Variants in WDR62 observed in about 807,000 individuals in gnomAD.
The protein encoded by WDR62 is WD repeat-containing protein 62.
Under a neutral mutation model 160.6 loss-of-function variants are expected in WDR62, and 112 were observed. The ratio of observed to expected loss-of-function variants is 0.70; its 90% confidence interval spans 0.60 to 0.82. The LOEUF is 0.82. Among genes scored for constraint, WDR62 ranks in the 40% least tolerant of loss-of-function variants. WDR62 has a pLI of 0.00. For missense variants in WDR62, 1,819 were observed against 1,983.8 expected (o/e 0.92, Z 1.58); for synonymous variants, 792 against 815.1 (o/e 0.97, Z 0.48).
At chr19:36,092,850 C>T (rs771398471) in intron 19 of WDR62, 39 bp downstream of exon 19, 1 of 1,613,098 alleles carries the variant, frequency 6.2e-7, no homozygotes, top group Non-Finnish European at 8.5e-7. Flanking sequence ...AGGGATGAGT[C>T]CCTGCCAGGG....
chr19:36,059,182 C>T lies in WDR62; in HGVS notation c.269+311C>T, dbSNP rs940179686. Reference sequence around the variant, plus strand: ...AACCTGGATTTGTGTCCCAGCTCTGCCATGTATGCTGCTCTCTGAGCCTCT... The same window carrying T: ...AACCTGGATTTGTGTCCCAGCTCTGTCATGTATGCTGCTCTCTGAGCCTCT... On this transcript the variant is annotated intron_variant, in intron 2 of 31. Transcript: ENST00000401500. 9.7e-6 allele frequency: 5 copies of T among 515,702 alleles called. No individual in the cohort carries two copies. The East Asian group carries it at 1.5e-4, about 15-fold the overall frequency. 31.9% of individuals were successfully genotyped at this position (515,702 alleles called of 1,614,324 possible).
chr19:36,065,268 G>A (rs1429260490), intron 3 of WDR62, among the ~76,000 whole-genome samples: 3 of 152,088 alleles, frequency 2.0e-5, no homozygotes, highest in Admixed American at 6.5e-5. Context: ...CTCACTTAGC[G>A]ACATTTACTT....
At chr19:36,091,786 G>A (rs370911089) in intron 18 of WDR62, among the ~76,000 whole-genome samples, 2 of 152,056 alleles carry the variant, frequency 1.3e-5, no homozygotes, top group African/African-American at 4.8e-5. Flanking sequence ...CTACTCAGGA[G>A]GGGGAAGATG....
chr19:36,092,567 T>G, intron 18 of WDR62, 122 bp from the exon 19 acceptor site: 1 of 1,420,712 alleles, frequency 7.0e-7, no homozygotes, highest in Non-Finnish European at 9.9e-7. Context: ...GGGGTGTGTT[T>G]TCCAGGAGCA....
intron 9 of WDR62, among the ~76,000 whole-genome samples, chr19:36,078,734 G>A (rs1349723018): frequency 6.6e-6 from 1 of 151,064 alleles, no homozygotes; most frequent in African/African-American, 2.4e-5. Flanking sequence ...TACTTGGGGG[G>A]CTGAGGCAGG....
chr19:36,088,433 C>T (rs1321484932), intron 13 of WDR62, among the ~76,000 whole-genome samples: 2 of 152,198 alleles, frequency 1.3e-5, no homozygotes, highest in African/African-American at 2.4e-5. Flanking sequence ...TTGTACGGAC[C>T]GGAAGTTGAG....
In WDR62 at chr19:36,091,347, C is replaced by T. The variant is rs564142501; in HGVS notation, c.2146+36C>T. ...CTCTCTGCTTGGGATGCCTCCCCAC[C>T]CGCCCACACCCTCTGACTCCGAAGG... is the stretch of plus-strand genomic sequence containing the variant. On this transcript the variant is annotated intron_variant, in intron 17 of 31. Transcript: ENST00000401500. 25 of 1,591,362 alleles carry T rather than the reference C, an allele frequency of 1.6e-5. No individual in the cohort carries two copies. In the African/African-American group the frequency reaches 2.8e-4, roughly 18 times the overall value.
At chr19:36,078,442 C>T (rs1482899172) in intron 9 of WDR62, among the ~76,000 whole-genome samples, 3 of 151,992 alleles carry the variant, frequency 2.0e-5, no homozygotes, top group Non-Finnish European at 4.4e-5. Context: ...GCCACTGTGC[C>T]TGACGTAGTT....
chr19:36,056,125 C>G (rs1970353553), intron 1 of WDR62, among the ~76,000 whole-genome samples: 1 of 152,144 alleles, frequency 6.6e-6, no homozygotes, highest in South Asian at 2.1e-4. Flanking sequence ...GAGGTCATGC[C>G]ACTGCACTCC....
intron 7 of WDR62, among the ~76,000 whole-genome samples, chr19:36,069,978 G>A (rs1971200182): frequency 6.6e-6 from 1 of 150,762 alleles, no homozygotes; most frequent in Non-Finnish European, 1.5e-5. Flanking sequence ...GGCATCAGAG[G>A]GAGACCGTGG....
chr19:36,094,953 C>T (rs1177332419), intron 20 of WDR62, among the ~76,000 whole-genome samples: 3 of 152,100 alleles, frequency 2.0e-5, no homozygotes, highest in African/African-American at 7.2e-5. Flanking sequence ...ATCGCTTGAG[C>T]CCAGGAATTC....
Position 36,084,681 on chromosome 19 carries a change from C to T in WDR62, c.1579C>T (p.Leu527=). Residue 527 remains leucine (L), a synonymous_variant, in exon 12 of 32, where the codon CTG becomes TTG. Transcript: ENST00000401500. The part of the protein sequence containing the change: ...RIHELHFMDE[L]VKVEAHDAEV... ...CCACGAGCTGCACTTCATGGACGAG[C>T]TGGTCAAGGTGGAGGCCCATGATGC... is the stretch of plus-strand genomic sequence containing the variant. 6.2e-7 allele frequency: 1 copy of T among 1,613,840 alleles called. No individual in the cohort carries two copies. Among genetic ancestry groups the T allele is most frequent in the Non-Finnish European group, 8.5e-7 (1 of 1,179,994 alleles).
intron 1 of WDR62, among the ~76,000 whole-genome samples, chr19:36,055,896 C>A (rs1273380345): frequency 6.6e-6 from 1 of 152,160 alleles, no homozygotes; most frequent in Non-Finnish European, 1.5e-5. Context: ...TGGTAGGGCG[C>A]GGTAGCTCAC....
intron 7 of WDR62, chr19:36,070,693 C>CA (rs2145619035): frequency 6.6e-6 from 1 of 152,308 alleles, no homozygotes; most frequent in Admixed American, 6.5e-5. Context: ...TTCTCTTTTT[C>CA]AAGCAAGTGA....
intron 22 of WDR62, among the ~76,000 whole-genome samples, chr19:36,100,163 G>A (rs374346477): frequency 1.9e-4 from 29 of 152,270 alleles, no homozygotes; most frequent in African/African-American, 7.0e-4. Context: ...CTGCCCCAGA[G>A]GGCTTTTACA....
chr19:36,103,386 C>T lies in WDR62; in HGVS notation c.3558C>T (p.Ser1186=), dbSNP rs111889921. 78 of 1,613,908 alleles carry T rather than the reference C, an allele frequency of 4.8e-5. 1 individual carries two copies. The highest frequency in any genetic ancestry group is 2.1e-4 in the African/African-American group (16 of 74,874). Reference sequence around the variant, plus strand: ...TGGCGTCCTGTGTCCCTGCTTCCTCCGTGCTGCCCACAGACAGGAATCTCC... The same window carrying T: ...TGGCGTCCTGTGTCCCTGCTTCCTCTGTGCTGCCCACAGACAGGAATCTCC... ...TSLASCVPAS[S]VLPTDRNLPT... Residue 1186 remains serine, a synonymous_variant, in exon 30 of 32, where the codon TCC becomes TCT. Coordinates refer to ENST00000401500, the MANE Select transcript of WDR62 (RefSeq NM_001083961.2).
At position 36,100,756 on chromosome 19, in the gene WDR62, T is replaced by TC; in HGVS notation, c.2752dup (p.Gln918ProfsTer19). The TC allele has an allele frequency of 6.2e-7, 1 of 1,613,902 alleles. No homozygotes were observed. Among genetic ancestry groups the TC allele is most frequent in the Non-Finnish European group, 8.5e-7 (1 of 1,179,956 alleles). On this transcript the variant is annotated frameshift_variant, in exon 23 of 32. Coordinates refer to ENST00000401500, the MANE Select transcript of WDR62 (RefSeq NM_001083961.2). LOFTEE classifies it high-confidence loss of function. ...TGCTGTCTTCCCCATAGTCAGAGAG[T>TC]CCCCAGGAAGCTGGCCGCGGGCACC...
Position 36,091,289 on chromosome 19 carries a change from T to C in WDR62, c.2124T>C (p.Ile708=), listed in dbSNP as rs370528921. 12 of 1,613,892 alleles carry C rather than the reference T, an allele frequency of 7.4e-6. No homozygotes were observed. The African/African-American group carries it at 1.6e-4, about 22-fold the overall frequency. ...SVIDFYSGEC[I]AKMFGHSEII... ...TTGACTTTTACTCGGGCGAGTGCAT[T>C]GCCAAGATGTTTGGCCATTCAGGTG... Residue 708 remains isoleucine, a synonymous_variant, in exon 17 of 32, where the codon ATT becomes ATC. Coordinates refer to ENST00000401500, the MANE Select transcript of WDR62 (RefSeq NM_001083961.2).
chr19:36,067,904 C>T lies in WDR62; in HGVS notation c.776C>T (p.Ala259Val). 6.2e-7 allele frequency: 1 copy of T among 1,614,188 alleles called. No homozygotes were observed. Among genetic ancestry groups the T allele is most frequent in the Non-Finnish European group, 8.5e-7 (1 of 1,180,040 alleles). Reference protein sequence around the residue: ...ELHNNIFCGVACGRGRMAGST... With the variant: ...ELHNNIFCGVVCGRGRMAGST... ...CACAACAACATCTTCTGTGGTGTGG[C>T]CTGCGGTCGGGGCCGGATGGCGGGC... Residue 259 changes from alanine (A) to valine (V), a missense_variant, in exon 7 of 32, where the codon GCC becomes GTC. Ala to Val is a moderately conservative substitution (Grantham distance 64, BLOSUM62 0). Around this residue, in one of 3 missense-constraint regions of WDR62, gnomAD observed 934 missense variants for 1,157.2 expected, o/e 0.81. Transcript: ENST00000401500.
Sources: gnomAD v4.1 joint callset for allele counts (sites outside exome capture counted in the v4.1 genomes callset) on GRCh38, gnomAD v4.1.1 for gene constraint, gnomAD v4.1.1 regional missense constraint, MANE v1.5 for transcripts, NCBI Gene and HGNC (gene_info 2026-07-23, HGNC 2026-07-21) for gene names.